The following ZNF468 variants were observed in gnomAD, a reference collection of about 807,000 sequenced individuals.
ZNF468 encodes the protein zinc finger protein ZNF468.
A neutral mutation model predicts 7.2 loss-of-function variants in ZNF468; 8 were observed. The ratio of observed to expected loss-of-function variants is 1.11; its 90% CI spans 0.65 to 2.01. ZNF468 has a LOEUF of 2.01. Among genes scored for constraint, ZNF468 ranks in the 30% most tolerant of loss-of-function variants. The pLI is 0.00. For synonymous variants in ZNF468, 218 were observed against 214.4 expected (o/e 1.02, Z -0.15); for missense variants, 608 against 626.5 (o/e 0.97, Z 0.31).
At chr19:52,847,623 G>A (rs1489612136) in intron 3 of ZNF468, among the ~76,000 whole-genome samples, 6 of 152,282 alleles carry the variant, frequency 3.9e-5, no homozygotes, top group African/African-American at 1.4e-4. Context: ...TAGGAGGAAA[G>A]CACCCCATGG....
chr19:52,851,479 A>G (rs2063389471), intron 2 of ZNF468, among the ~76,000 whole-genome samples: 2 of 152,278 alleles, frequency 1.3e-5, no homozygotes, highest in African/African-American at 4.8e-5. Context: ...CAGGAGCCTG[A>G]GGCAGGAAAA....
In ZNF468 at chr19:52,840,899, T is replaced by G. The variant is rs984385458; in HGVS notation, c.1395A>C (p.Lys465Asn). Residue 465 changes from lysine to asparagine, a missense_variant, in exon 4 of 4, where the codon AAA becomes AAC. Physicochemically the swap from Lys to Asn is moderately conservative, Grantham distance 94. Coordinates refer to ENST00000595646, the MANE Select transcript of ZNF468 (RefSeq NM_001008801.2). Reference protein sequence around the residue: ...AQHQRVHTGEKPYKCNECGKT... With the variant: ...AQHQRVHTGENPYKCNECGKT... Reference sequence around the variant, plus strand: ...TGCCACACTCATTACACTTGTAAGGTTTCTCTCCAGTATGAACTCTCTGAT... The same window carrying G: ...TGCCACACTCATTACACTTGTAAGGGTTCTCTCCAGTATGAACTCTCTGAT... 1.9e-6 allele frequency: 3 copies of G among 1,613,984 alleles called. No homozygotes were observed. The highest frequency in any genetic ancestry group is 2.5e-6 in the Non-Finnish European group (3 of 1,180,002).
At position 52,854,246 on chromosome 19, in the gene ZNF468, A is replaced by C. The variant is rs201215683; in HGVS notation, c.15+12T>G. 1 of 1,613,798 alleles carries C rather than the reference A, an allele frequency of 6.2e-7. No individual in the cohort carries two copies. Among genetic ancestry groups the C allele is most frequent in the Non-Finnish European group, 8.5e-7 (1 of 1,179,828 alleles). On this transcript the variant is annotated intron_variant, in intron 2 of 3. Transcript: ENST00000595646. The stretch of plus-strand genomic sequence containing the variant: ...AAGGAGACAGAACAATCCACCGAGG[A>C]TATCATCTCACCTGAGGAAGAGCCA...
rs879019492 is a variant in ZNF468, at chr19:52,840,983, T to C, written c.1311A>G (p.Lys437=). 1 of 1,614,038 alleles carries C rather than the reference T, an allele frequency of 6.2e-7. No homozygotes were observed. Among genetic ancestry groups the C allele is most frequent in the South Asian group, 1.1e-5 (1 of 91,074 alleles). ...ERHRRIHTGE[K]PYKCKVCDKA... The stretch of plus-strand genomic sequence containing the variant: ...TGTCACAAACCTTACATTTGTATGG[T>C]TTCTCTCCAGTATGAATCCTCCTGT... The change falls in exon 4 of 4, where the codon AAA becomes AAG. Residue 437 remains lysine (K), a synonymous_variant. Coordinates refer to ENST00000595646, the MANE Select transcript of ZNF468 (RefSeq NM_001008801.2).
chr19:52,839,262 C>T lies in ZNF468; in HGVS notation c.*1463G>A, dbSNP rs2063274579. On this transcript the variant is annotated 3_prime_UTR_variant, in exon 4 of 4. Transcript: ENST00000595646. ...GCAAGACTCCATCTCAAAAAAAAAA[C>T]AAGAAAAAGAAAATAAAGGCTGGGA... The T allele has an allele frequency of 5.8e-6, 1 of 171,480 alleles. No individual in the cohort carries two copies. Among genetic ancestry groups the T allele is most frequent in the Admixed American group, 6.2e-5 (1 of 16,206 alleles). The allele number at this position is 171,480 out of a possible 1,614,324, so 10.6% of individuals were successfully genotyped here. A position where few individuals can be genotyped will look rare whatever the true frequency, so the allele number is the denominator to read the frequency against.
chr19:52,840,189 C>T lies in ZNF468; in HGVS notation c.*536G>A. 1 of 382,762 alleles carries T rather than the reference C, an allele frequency of 2.6e-6. No homozygotes were observed. The highest frequency in any genetic ancestry group is 5.1e-6 in the Non-Finnish European group (1 of 194,466). The allele number at this position is 382,762 out of a possible 1,614,324, so 23.7% of individuals were successfully genotyped here. A position where few individuals can be genotyped will look rare whatever the true frequency, so the allele number is the denominator to read the frequency against. ...GGATTTGTGAATGAAAACTTTGTCA[C>T]ATTGTTCACGTTTGTAAGATTTCTA... On this transcript the variant is annotated 3_prime_UTR_variant, in exon 4 of 4. Transcript: ENST00000595646.
rs750758176 is a variant in ZNF468, at chr19:52,841,002, C to T, written c.1292G>A (p.Arg431Lys). ...GTATGGTTTCTCTCCAGTATGAATC[C>T]TCCTGTGTCTTTCCAGGTTTGATTT... Reference protein sequence around the residue: ...SRKSNLERHRRIHTGEKPYKC... With the variant: ...SRKSNLERHRKIHTGEKPYKC... Residue 431 changes from arginine (R) to lysine (K), a missense_variant, in exon 4 of 4, where the codon AGG (arginine) becomes AAG (lysine). Physicochemically the swap from Arg to Lys is conservative, Grantham distance 26. Transcript: ENST00000595646. 1.7e-5 allele frequency: 27 copies of T among 1,613,918 alleles called. 1 individual carries two copies. In the East Asian group the frequency reaches 6.0e-4, roughly 36 times the overall value.
intron 2 of ZNF468, among the ~76,000 whole-genome samples, chr19:52,851,829 A>C (rs184330056): frequency 1.1e-4 from 17 of 152,200 alleles, no homozygotes; most frequent in Admixed American, 1.0e-3. Flanking sequence ...TAAAACCTAC[A>C]CAGACTCACA....
At position 52,840,452 on chromosome 19, in the gene ZNF468, C is replaced by A; in HGVS notation, c.*273G>T. ...CCAGATATGCATTATATGCAAAAACCTTGTCACAAACCTTACCTCTGTATG... is the reference window on the plus strand; with the variant it reads ...CCAGATATGCATTATATGCAAAAACATTGTCACAAACCTTACCTCTGTATG... On this transcript the variant is annotated 3_prime_UTR_variant, in exon 4 of 4. Transcript: ENST00000595646. The A allele has an allele frequency of 1.5e-6, 1 of 673,206 alleles. No individual in the cohort carries two copies. The highest frequency in any genetic ancestry group is 2.5e-6 in the Non-Finnish European group (1 of 393,150). 41.7% of individuals were successfully genotyped at this position (673,206 alleles called of 1,614,324 possible).
In ZNF468 at chr19:52,840,612, A is replaced by T; in HGVS notation, c.*113T>A. The T allele has an allele frequency of 6.4e-7, 1 of 1,560,574 alleles. No individual in the cohort carries two copies. The highest frequency in any genetic ancestry group is 2.2e-5 in the East Asian group (1 of 44,534). ...GGTGATGTGCAAAGGTTGCTTTTTG[A>T]TTAAAAACCTTGCCACATTCATTAT... On this transcript the variant is annotated 3_prime_UTR_variant, in exon 4 of 4. Coordinates refer to ENST00000595646, the MANE Select transcript of ZNF468 (RefSeq NM_001008801.2).
chr19:52,843,515 G>T (rs1475929417), intron 3 of ZNF468, among the ~76,000 whole-genome samples: 1 of 152,124 alleles, frequency 6.6e-6, no homozygotes, highest in Non-Finnish European at 1.5e-5. Flanking sequence ...TTACAGGTGT[G>T]AGCCACTGCA....
intron 1 of ZNF468, among the ~76,000 whole-genome samples, chr19:52,856,125 A>C: frequency 6.6e-6 from 1 of 152,248 alleles, no homozygotes; most frequent in Non-Finnish European, 1.5e-5. Context: ...TCACACTAAC[A>C]TTTATAAAAT....
At position 52,841,392 on chromosome 19, in the gene ZNF468, C is replaced by T. The variant is rs769918642; in HGVS notation, c.902G>A (p.Cys301Tyr). Residue 301 changes from cysteine (C) to tyrosine (Y), a missense_variant, in exon 4 of 4, where the codon TGT becomes TAT. Physicochemically the swap from Cys to Tyr is radical, Grantham distance 194. Coordinates refer to ENST00000595646, the MANE Select transcript of ZNF468 (RefSeq NM_001008801.2). ...ACTGAAAACTTTGTCACATTCTTCACATTCATAAGGTTTCTCTCCAGTATG... is the reference window on the plus strand; with the variant it reads ...ACTGAAAACTTTGTCACATTCTTCATATTCATAAGGTTTCTCTCCAGTATG... The part of the protein sequence containing the change: ...ALHTGEKPYE[C>Y]EECDKVFSRK... 2 of 1,614,044 alleles carry T rather than the reference C, an allele frequency of 1.2e-6. No individual in the cohort carries two copies. Among genetic ancestry groups the T allele is most frequent in the Non-Finnish European group, 1.7e-6 (2 of 1,180,004 alleles).
At chr19:52,845,737 G>A (rs368594597) in intron 3 of ZNF468, among the ~76,000 whole-genome samples, 71 of 152,204 alleles carry the variant, frequency 4.7e-4, no homozygotes, top group Middle Eastern at 3.4e-3. Context: ...AGGTGTGGTC[G>A]TTCATTCCTG....
chr19:52,848,212 T>C (rs2063356048), intron 3 of ZNF468, among the ~76,000 whole-genome samples: 1 of 152,214 alleles, frequency 6.6e-6, no homozygotes, highest in Non-Finnish European at 1.5e-5. Context: ...TCTGGATTTT[T>C]TTTGCTATTT....
At chr19:52,852,308 G>A (rs1271114723) in intron 2 of ZNF468, among the ~76,000 whole-genome samples, 1 of 152,050 alleles carries the variant, frequency 6.6e-6, no homozygotes, top group Non-Finnish European at 1.5e-5. Context: ...AGAGGTTTCA[G>A]TGAGCCGAGA....
At chr19:52,857,298 G>C (rs2063449026) in intron 1 of ZNF468, among the ~76,000 whole-genome samples, 1 of 152,236 alleles carries the variant, frequency 6.6e-6, no homozygotes, top group Non-Finnish European at 1.5e-5. Context: ...GAGCCGTGCG[G>C]AAGGAGTCAA....
chr19:52,854,848 C>A (rs536369337), intron 1 of ZNF468, among the ~76,000 whole-genome samples: 27 of 151,958 alleles, frequency 1.8e-4, no homozygotes, highest in South Asian at 6.3e-4. Context: ...AACATGGTGA[C>A]ACCCTGTCTC....
chr19:52,853,270 G>A (rs1225935750), intron 2 of ZNF468, among the ~76,000 whole-genome samples: 1 of 152,156 alleles, frequency 6.6e-6, no homozygotes, highest in Non-Finnish European at 1.5e-5. Flanking sequence ...AAGGAGGGTG[G>A]AGGATGTGAC....
Sources: gnomAD v4.1 joint callset for allele counts (sites outside exome capture counted in the v4.1 genomes callset) on GRCh38, gnomAD v4.1.1 for gene constraint, MANE v1.5 for transcripts, NCBI Gene and HGNC (gene_info 2026-07-23, HGNC 2026-07-21) for gene names.